The following PLAAT3 variants were observed in gnomAD, a reference collection of about 807,000 sequenced individuals.
PLAAT3 encodes the protein phospholipase A and acyltransferase 3.
Under a neutral mutation model 16.7 loss-of-function variants are expected in PLAAT3, and 21 were observed. The observed-to-expected ratio is 1.26, with a 90% CI of 0.89 to 1.81. PLAAT3 has a LOEUF of 1.81. Ranked by LOEUF, PLAAT3 falls within the 40% of genes most tolerant of loss-of-function variation. The pLI, the probability that PLAAT3 is intolerant of heterozygous loss-of-function variation, is 0.00. For synonymous variants in PLAAT3, 76 were observed against 81.7 expected (o/e 0.93, Z 0.38); for missense variants, 219 against 213.7 (o/e 1.02, Z -0.16).
intron 4 of PLAAT3, among the ~76,000 whole-genome samples, chr11:63,586,237 G>A (rs1590685665): frequency 6.6e-6 from 1 of 152,222 alleles, no homozygotes; most frequent in Middle Eastern, 3.4e-3. Context: ...GGGTTCAAGC[G>A]ATTCTCCTGC....
intron 4 of PLAAT3, among the ~76,000 whole-genome samples, chr11:63,589,387 C>T (rs575875287): frequency 6.8e-6 from 1 of 146,084 alleles, no homozygotes; most frequent in African/African-American, 2.5e-5. Context: ...TAAGAACCTT[C>T]CCAATGTTCT....
At chr11:63,614,435 A>C, upstream of PLAAT3, 2 of 172,678 alleles carry the variant, frequency 1.2e-5, no homozygotes, top group East Asian at 1.5e-4. Flanking sequence ...ACCGGGTCTA[A>C]TGGCCGCGGT....
chr11:63,601,044 C>CAAAA (rs139786149), intron 2 of PLAAT3, among the ~76,000 whole-genome samples: 1 of 123,938 alleles, frequency 8.1e-6, no homozygotes, highest in Non-Finnish European at 1.7e-5. Context: ...AAAAATTAAA[C>CAAAA]AAAAAAAAAA....
chr11:63,592,247 ACCT>A (rs1938171402), intron 3 of PLAAT3, among the ~76,000 whole-genome samples: 1 of 151,548 alleles, frequency 6.6e-6, no homozygotes, highest in Non-Finnish European at 1.5e-5. Context: ...GCTCGCTGCA[ACCT>A]CCTCCTCCTC....
upstream of PLAAT3, chr11:63,616,308 A>T (rs1053926941): frequency 1.3e-5 from 2 of 150,664 alleles, no homozygotes; most frequent in African/African-American, 2.4e-5. Context: ...CGTGGGTTCC[A>T]TTTTTTTAGA....
Position 63,614,174 on chromosome 11 carries a change from G to C in PLAAT3, c.-54-106C>G, listed in dbSNP as rs866844030. ...GGCAGGGCGTGAGAGGCGCGCCTCG[G>C]ACCCCAGGAACAACCACCTCGCTCC... On this transcript the variant is annotated intron_variant, in intron 1 of 4. Coordinates refer to ENST00000415826, the MANE Select transcript of PLAAT3 (RefSeq NM_001128203.2). 9.5e-6 allele frequency: 9 copies of C among 943,512 alleles called. No individual in the cohort carries two copies. The African/African-American group carries it at 1.3e-4, about 14-fold the overall frequency. 58.4% of individuals were successfully genotyped at this position (943,512 alleles called of 1,614,324 possible).
intron 4 of PLAAT3, among the ~76,000 whole-genome samples, chr11:63,576,084 C>G (rs2017655391): frequency 6.6e-6 from 1 of 152,162 alleles, no homozygotes; most frequent in African/African-American, 2.4e-5. Flanking sequence ...CTCCTCTGTT[C>G]CCAGAACTTT....
chr11:63,590,051 G>A (rs769192274), intron 4 of PLAAT3, 49 bp downstream of exon 4: 1 of 1,581,528 alleles, frequency 6.3e-7, no homozygotes, highest in Non-Finnish European at 8.6e-7. Flanking sequence ...TCCGTCAGCA[G>A]AGGGAATGGT....
chr11:63,578,805 G>C (rs1171262060), intron 4 of PLAAT3, among the ~76,000 whole-genome samples: 2 of 151,482 alleles, frequency 1.3e-5, no homozygotes, highest in African/African-American at 2.4e-5. Flanking sequence ...TCAGGACATA[G>C]GCATGGGCAA....
chr11:63,604,633 C>T (rs1938512271), intron 2 of PLAAT3, among the ~76,000 whole-genome samples: 1 of 151,832 alleles, frequency 6.6e-6, no homozygotes, highest in African/African-American at 2.4e-5. Context: ...CATGGTGGTA[C>T]ATGCCTGTAG....
intron 3 of PLAAT3, among the ~76,000 whole-genome samples, chr11:63,597,045 G>A (rs994679656): frequency 1.8e-4 from 27 of 151,224 alleles, no homozygotes; most frequent in Non-Finnish European, 2.2e-4. Flanking sequence ...CCAGTGAGCC[G>A]AGATTGTGCC....
At chr11:63,613,443 T>C in intron 2 of PLAAT3, among the ~76,000 whole-genome samples, 1 of 151,834 alleles carries the variant, frequency 6.6e-6, no homozygotes, top group Non-Finnish European at 1.5e-5. Context: ...AATAAATAAA[T>C]AAAACAAAAC....
intron 2 of PLAAT3, among the ~76,000 whole-genome samples, chr11:63,607,759 TAAG>T (rs1165621175): frequency 2.0e-5 from 3 of 151,242 alleles, no homozygotes. Flanking sequence ...AAGCAGGAGA[TAAG>T]GAGGAGGCGG....
At chr11:63,578,430 T>C (rs1157244912) in intron 4 of PLAAT3, among the ~76,000 whole-genome samples, 1 of 152,026 alleles carries the variant, frequency 6.6e-6, no homozygotes, top group Non-Finnish European at 1.5e-5. Context: ...AAACAGGAAA[T>C]GGAGAAAAGA....
intron 2 of PLAAT3, among the ~76,000 whole-genome samples, chr11:63,600,542 G>A (rs922729417): frequency 3.3e-5 from 5 of 151,818 alleles, no homozygotes; most frequent in African/African-American, 9.7e-5. Context: ...GAATTTCAGG[G>A]GTAAAATTTC....
chr11:63,582,129 A>C (rs1336983828), intron 4 of PLAAT3, among the ~76,000 whole-genome samples: 1 of 152,234 alleles, frequency 6.6e-6, no homozygotes, highest in African/African-American at 2.4e-5. Context: ...GTGACTCCAG[A>C]GCCTAGCATG....
At chr11:63,610,609 C>T (rs562934870) in intron 2 of PLAAT3, among the ~76,000 whole-genome samples, 2 of 152,290 alleles carry the variant, frequency 1.3e-5, no homozygotes, top group South Asian at 2.1e-4. Context: ...TTCTCTTCTT[C>T]TCTCCCCTCC....
intron 2 of PLAAT3, among the ~76,000 whole-genome samples, chr11:63,603,133 T>G (rs1201661411): frequency 3.3e-5 from 5 of 152,142 alleles, no homozygotes; most frequent in Non-Finnish European, 7.4e-5. Context: ...TATCTGTCCA[T>G]TTACAGGAAA....
intron 2 of PLAAT3, among the ~76,000 whole-genome samples, chr11:63,610,387 C>T (rs903539176): frequency 6.6e-6 from 1 of 152,200 alleles, no homozygotes; most frequent in Non-Finnish European, 1.5e-5. Flanking sequence ...TGGGAAGAAG[C>T]GATCAATTTC....
Sources: gnomAD v4.1 joint callset for allele counts (sites outside exome capture counted in the v4.1 genomes callset) on GRCh38, gnomAD v4.1.1 for gene constraint, MANE v1.5 for transcripts, NCBI Gene and HGNC (gene_info 2026-07-23, HGNC 2026-07-21) for gene names.